The following TRPM3 variants were observed in gnomAD, a reference collection of about 807,000 sequenced individuals.
TRPM3 encodes long transient receptor potential channel 3.
TRPM3 carries 77 observed loss-of-function variants against 181.2 expected under a neutral mutation model. That is an observed-to-expected ratio of 0.42 (90% CI 0.35 to 0.51). The LOEUF (loss-of-function observed/expected upper bound fraction) is 0.51. Ranked by LOEUF, TRPM3 falls within the 20% of genes least tolerant of loss-of-function variation. The pLI is 0.01. For synonymous variants in TRPM3, 745 were observed against 796.4 expected (o/e 0.94, Z 1.09); for missense variants, 1,759 against 2,196.7 (o/e 0.80, Z 3.98).
intron 6 of TRPM3, chr9:70,809,835 C>T: frequency 2.3e-6 from 1 of 434,782 alleles, no homozygotes; most frequent in Non-Finnish European, 4.7e-6. Context: ...TCCAGAGCTG[C>T]TTGGATGAAG....
chr9:71,061,798 C>T (rs1033312452), intron 1 of TRPM3, among the ~76,000 whole-genome samples: 1 of 152,048 alleles, frequency 6.6e-6, no homozygotes, highest in African/African-American at 2.4e-5. Context: ...CATCATTTTG[C>T]TTTGCTGATT....
chr9:70,612,889 A>G (rs1190852682), intron 18 of TRPM3, among the ~76,000 whole-genome samples: 1 of 152,192 alleles, frequency 6.6e-6, no homozygotes. Context: ...AGATGAGAGT[A>G]AAGACAGCCA....
Position 70,846,665 on chromosome 9 carries a change from A to T in TRPM3, c.463-74T>A, listed in dbSNP as rs952878936. 5.6e-6 allele frequency: 7 copies of T among 1,249,602 alleles called. No homozygotes were observed. In the East Asian group the frequency reaches 7.0e-5, roughly 12 times the overall value. 77.4% of individuals were successfully genotyped at this position (1,249,602 alleles called of 1,614,324 possible). On this transcript the variant is annotated intron_variant, in intron 3 of 25. Coordinates refer to ENST00000677713, the MANE Select transcript of TRPM3 (RefSeq NM_001366145.2). ...AGGCTGGTTATCTTTACTGATTGCA[A>T]TTATATGTGTAGTTATGTGACAAAA...
At chr9:71,155,652 G>A (rs958751005) in intron 1 of TRPM3, among the ~76,000 whole-genome samples, 9 of 151,942 alleles carry the variant, frequency 5.9e-5, no homozygotes, top group African/African-American at 2.2e-4. Flanking sequence ...ACTGTGCCTG[G>A]CACAAAGTTC....
chr9:70,874,698 A>T (rs2095843934), intron 1 of TRPM3, among the ~76,000 whole-genome samples: 1 of 151,966 alleles, frequency 6.6e-6, no homozygotes, highest in Non-Finnish European at 1.5e-5. Flanking sequence ...TGTGGAATTT[A>T]TGTGACAAAT....
At chr9:71,023,955 T>A (rs2097867881) in intron 1 of TRPM3, among the ~76,000 whole-genome samples, 2 of 152,148 alleles carry the variant, frequency 1.3e-5, no homozygotes, top group Non-Finnish European at 2.9e-5. Context: ...CATGATAAAA[T>A]TGTATAAAAC....
At chr9:71,115,797 G>C (rs1462816626) in intron 1 of TRPM3, among the ~76,000 whole-genome samples, 1 of 152,146 alleles carries the variant, frequency 6.6e-6, no homozygotes, top group Non-Finnish European at 1.5e-5. Flanking sequence ...TCAGGAGACA[G>C]AACTCTCCAG....
In TRPM3 at chr9:70,533,639, G is replaced by A. The variant is rs970128971; in HGVS notation, c.*2314C>T. 6.6e-6 allele frequency: 1 copy of A among 151,776 alleles called. No homozygotes were observed. Among genetic ancestry groups the A allele is most frequent in the Non-Finnish European group, 1.5e-5 (1 of 67,982 alleles). 9.4% of individuals were successfully genotyped at this position (151,776 alleles called of 1,614,324 possible). A position where few individuals can be genotyped will look rare whatever the true frequency, so the allele number is the denominator to read the frequency against. ...GAGCCTAGAGTTATCGTAGAGCCTC[G>A]TAGGGATTCATGACTCAAGGAAGTT... On this transcript the variant is annotated 3_prime_UTR_variant, in exon 26 of 26. Transcript: ENST00000677713.
chr9:71,137,798 A>T (rs886998510), intron 1 of TRPM3, among the ~76,000 whole-genome samples: 2 of 152,166 alleles, frequency 1.3e-5, no homozygotes, highest in African/African-American at 4.8e-5. Context: ...TTAACAGTTG[A>T]AAATATATGT....
intron 1 of TRPM3, among the ~76,000 whole-genome samples, chr9:70,963,361 C>A (rs2097155703): frequency 6.6e-6 from 1 of 152,164 alleles, no homozygotes; most frequent in Non-Finnish European, 1.5e-5. Flanking sequence ...CAGCTAGACA[C>A]ACCAAACAAT....
chr9:71,347,969 C>T lies in TRPM3; in HGVS notation c.183+98684G>A, dbSNP rs189219419. 9.5e-4 allele frequency among the ~76,000 whole-genome samples: 145 copies of T among 152,080 alleles called. 1 individual carries two copies. Among genetic ancestry groups the T allele is most frequent in the South Asian group, 6.0e-3 (29 of 4,824 alleles). On this transcript the variant is annotated intron_variant, in intron 1 of 24. Coordinates refer to the TRPM3 transcript ENST00000357533. ...GCACTAAGAAATAGTATGTTCCTCTCTGGTTGAGAAAAAAGTTAAAATGAA... is the reference window on the plus strand; with the variant it reads ...GCACTAAGAAATAGTATGTTCCTCTTTGGTTGAGAAAAAAGTTAAAATGAA...
At chr9:71,407,760 G>A (rs1453168642) in intron 1 of TRPM3, among the ~76,000 whole-genome samples, 1 of 152,034 alleles carries the variant, frequency 6.6e-6, no homozygotes, top group Non-Finnish European at 1.5e-5. Flanking sequence ...TCTGACTATG[G>A]ACAGAGTGCC....
intron 1 of TRPM3, among the ~76,000 whole-genome samples, chr9:71,065,906 C>T (rs923027225): frequency 1.3e-5 from 2 of 152,100 alleles, no homozygotes; most frequent in Admixed American, 6.6e-5. Flanking sequence ...CAAGCGATGA[C>T]ATATGGCAGT....
intron 1 of TRPM3, among the ~76,000 whole-genome samples, chr9:71,381,523 T>C (rs1371236530): frequency 6.6e-6 from 1 of 152,168 alleles, no homozygotes; most frequent in African/African-American, 2.4e-5. Context: ...CTGAAAGATA[T>C]CTGCGGCTGC....
chr9:71,273,234 G>T (rs1395305947), intron 1 of TRPM3, among the ~76,000 whole-genome samples: 1 of 152,160 alleles, frequency 6.6e-6, no homozygotes, highest in African/African-American at 2.4e-5. Flanking sequence ...GGAGAAATAA[G>T]AATTTTACTT....
In TRPM3 at chr9:70,843,013, A is replaced by G. The variant is rs765803370; in HGVS notation, c.791T>C (p.Ile264Thr). Residue 264 changes from isoleucine to threonine, a missense_variant, in exon 5 of 26, where the codon ATT (isoleucine) becomes ACT (threonine). Physicochemically the swap from Ile to Thr is moderately conservative, Grantham distance 89 (BLOSUM62 -1). This residue lies in a region of TRPM3 where 737 missense variants were observed against 957.4 expected (regional missense o/e 0.77). Transcript: ENST00000677713. ...GCACTCAGGACTTACATCTCTTCCA[A>G]TGAGGTCCTCCTGGTTTTCCACAAT... ...WGIVENQEDL[I>T]GRDVVRPYQT... 6 of 1,613,808 alleles carry G rather than the reference A, an allele frequency of 3.7e-6. No individual in the cohort carries two copies. Among genetic ancestry groups the G allele is most frequent in the Non-Finnish European group, 4.2e-6 (5 of 1,179,850 alleles).
chr9:71,256,453 A>G (rs1373596935), intron 1 of TRPM3, among the ~76,000 whole-genome samples: 3 of 152,166 alleles, frequency 2.0e-5, no homozygotes, highest in Non-Finnish European at 1.5e-5. Context: ...CATAAGGAGA[A>G]TGATACACCA....
intron 1 of TRPM3, among the ~76,000 whole-genome samples, chr9:71,031,987 T>TATATAATATATATATA (rs1449230338): frequency 4.2e-3 from 1 of 240 alleles, no homozygotes; most frequent in Non-Finnish European, 5.5e-3. Context: ...TATATATATA[T>TATATAATATATATATA]TATATATATA....
chr9:71,260,104 A>T (rs1320282170), intron 1 of TRPM3, among the ~76,000 whole-genome samples: 4 of 152,104 alleles, frequency 2.6e-5, no homozygotes, highest in African/African-American at 7.2e-5. Context: ...AATATGGCTA[A>T]GCAGTTTTCC....
Sources: allele counts gnomAD v4.1 joint callset (sites outside exome capture counted in the v4.1 genomes callset), GRCh38; gene constraint gnomAD v4.1.1; regional missense constraint gnomAD v4.1.1; transcripts MANE v1.5; gene names NCBI Gene and HGNC (gene_info 2026-07-23, HGNC 2026-07-21).